CNTN5: variants seen among roughly 807,000 people sequenced by gnomAD.
The protein encoded by CNTN5 is contactin-5.
A neutral mutation model predicts 129.1 loss-of-function variants in CNTN5; 77 were observed. That is an observed-to-expected ratio of 0.60 (90% CI 0.50 to 0.72). The LOEUF (loss-of-function observed/expected upper bound fraction) is 0.72, where lower values mean the gene tolerates loss of function less well. Among genes scored for constraint, CNTN5 ranks in the 30% least tolerant of loss-of-function variants. The pLI is 0.00. For missense variants in CNTN5, 1,478 were observed against 1,328.8 expected, an observed-to-expected ratio of 1.11 and a Z score of -1.75; for synonymous variants, 509 against 465.6, an observed-to-expected ratio of 1.09 and a Z score of -1.20.
At chr11:99,690,478 A>T (rs1953996459) in intron 3 of CNTN5, among the ~76,000 whole-genome samples, 1 of 152,036 alleles carries the variant, frequency 6.6e-6, no homozygotes, top group Non-Finnish European at 1.5e-5. Context: ...AATTTTTAAG[A>T]TAGTTTTCTC....
At chr11:100,296,659 T>C (rs1026059099) in intron 18 of CNTN5, among the ~76,000 whole-genome samples, 8 of 151,576 alleles carry the variant, frequency 5.3e-5, no homozygotes, top group Non-Finnish European at 7.4e-5. Context: ...GCTCACCCTC[T>C]TTTCTGGCCC....
At chr11:100,130,378 C>T (rs950832851) in intron 13 of CNTN5, among the ~76,000 whole-genome samples, 1 of 152,088 alleles carries the variant, frequency 6.6e-6, no homozygotes, top group Non-Finnish European at 1.5e-5. Context: ...CCTGCTCTCA[C>T]GTACCTTAGA....
chr11:99,536,864 A>AG (rs58403252), intron 2 of CNTN5, among the ~76,000 whole-genome samples: 2 of 138,820 alleles, frequency 1.4e-5, no homozygotes, highest in African/African-American at 6.8e-5. Flanking sequence ...TAAAAAAAAA[A>AG]AAAAGAAAAA....
chr11:99,829,165 T>G (rs1054258527), intron 4 of CNTN5, among the ~76,000 whole-genome samples: 2 of 152,328 alleles, frequency 1.3e-5, no homozygotes, highest in South Asian at 2.1e-4. Context: ...GCATCAAAAT[T>G]TTTAGTGATC....
intron 13 of CNTN5, among the ~76,000 whole-genome samples, chr11:100,177,068 G>T (rs752458979): frequency 9.9e-5 from 15 of 151,988 alleles, no homozygotes; most frequent in Admixed American, 2.0e-4. Flanking sequence ...GGAAAAGAGT[G>T]ATCAGATTTG....
chr11:100,134,483 G>T (rs1336043101), intron 13 of CNTN5, among the ~76,000 whole-genome samples: 1 of 152,162 alleles, frequency 6.6e-6, no homozygotes, highest in Non-Finnish European at 1.5e-5. Context: ...TCAGTGCCAG[G>T]CATATGGCTA....
At chr11:100,110,251 T>C (rs1311856603) in intron 13 of CNTN5, among the ~76,000 whole-genome samples, 1 of 83,876 alleles carries the variant, frequency 1.2e-5, no homozygotes, top group African/African-American at 6.6e-5. Context: ...GAATTTTCTC[T>C]ATAAGTTCTA....
chr11:99,296,289 G>C (rs1012877929), intron 1 of CNTN5, among the ~76,000 whole-genome samples: 2 of 152,104 alleles, frequency 1.3e-5, no homozygotes, highest in African/African-American at 4.8e-5. Context: ...TCAGCTGTGA[G>C]ATTATAAACC....
chr11:99,389,588 T>C (rs1261712234), intron 2 of CNTN5, among the ~76,000 whole-genome samples: 1 of 152,166 alleles, frequency 6.6e-6, no homozygotes, highest in East Asian at 1.9e-4. Flanking sequence ...TACTTTCATA[T>C]AACTCTGTCC....
intron 16 of CNTN5, among the ~76,000 whole-genome samples, chr11:100,248,726 A>T (rs1424870916): frequency 6.6e-6 from 1 of 152,178 alleles, no homozygotes; most frequent in East Asian, 1.9e-4. Context: ...AAGCCAGAAA[A>T]GTTGCTTGGC....
intron 6 of CNTN5, among the ~76,000 whole-genome samples, chr11:99,870,616 A>G (rs1591341436): frequency 6.6e-6 from 1 of 152,174 alleles, no homozygotes; most frequent in Admixed American, 6.5e-5. Flanking sequence ...CATCAATGGT[A>G]GACATAGACC....
chr11:99,968,592 A>C (rs1268266362), intron 8 of CNTN5, among the ~76,000 whole-genome samples: 1 of 149,280 alleles, frequency 6.7e-6, no homozygotes, highest in East Asian at 2.0e-4. Flanking sequence ...TAGCAAAGCC[A>C]CTGTTATTTC....
intron 9 of CNTN5, among the ~76,000 whole-genome samples, chr11:100,054,404 C>G (rs1329220413): frequency 2.0e-5 from 3 of 151,824 alleles, no homozygotes; most frequent in Non-Finnish European, 3.0e-5. Flanking sequence ...ATTCTCCCAA[C>G]AACCTAACCA....
intron 13 of CNTN5, among the ~76,000 whole-genome samples, chr11:100,124,870 G>T (rs1464184883): frequency 6.6e-6 from 1 of 152,116 alleles, no homozygotes; most frequent in Non-Finnish European, 1.5e-5. Flanking sequence ...TTCTTCACAT[G>T]TAAATAAAAT....
chr11:100,350,861 T>C lies in CNTN5; in HGVS notation c.3190T>C (p.Ser1064Pro), dbSNP rs1952395781. The change falls in exon 24 of 25, where the codon TCA becomes CCA. Residue 1064 changes from serine to proline, a missense_variant. Coordinates refer to ENST00000524871, the MANE Select transcript of CNTN5 (RefSeq NM_014361.4). ...GTASSQIRVPSYSGGKITSAQ... is the reference protein window; with the variant it reads ...GTASSQIRVPPYSGGKITSAQ... ...AGCTAGTTCTCAAATTAGGGTACCA[T>C]CATATTCAGGTAAGTTTTGACACAG... is the stretch of plus-strand genomic sequence containing the variant. The C allele has an allele frequency of 2.5e-6, 4 of 1,570,534 alleles. No homozygotes were observed. Among genetic ancestry groups the C allele is most frequent in the Non-Finnish European group, 3.5e-6 (4 of 1,153,976 alleles).
At chr11:100,289,560 CG>C (rs1565403835) in intron 18 of CNTN5, among the ~76,000 whole-genome samples, 2 of 152,124 alleles carry the variant, frequency 1.3e-5, no homozygotes, top group African/African-American at 2.4e-5. Context: ...AATTCAACAA[CG>C]CTTCATGCTA....
chr11:99,577,884 T>G (rs1430152781), intron 3 of CNTN5, among the ~76,000 whole-genome samples: 2 of 151,858 alleles, frequency 1.3e-5, no homozygotes, highest in Non-Finnish European at 2.9e-5. Flanking sequence ...ACGTGCAGGT[T>G]TGTTACATAT....
chr11:99,788,446 A>G (rs1241289507), intron 3 of CNTN5, among the ~76,000 whole-genome samples: 3 of 151,968 alleles, frequency 2.0e-5, no homozygotes, highest in South Asian at 2.1e-4. Context: ...CTATAGAAAC[A>G]TCTCATTAAT....
At chr11:99,678,224 AG>A (rs1953385253) in intron 3 of CNTN5, among the ~76,000 whole-genome samples, 1 of 152,124 alleles carries the variant, frequency 6.6e-6, no homozygotes. Context: ...TTTCTACAAA[AG>A]AACTTAACTA....
Sources: allele counts gnomAD v4.1 joint callset (sites outside exome capture counted in the v4.1 genomes callset), GRCh38; gene constraint gnomAD v4.1.1; transcripts MANE v1.5; gene names NCBI Gene and HGNC (gene_info 2026-07-23, HGNC 2026-07-21).